Variants in NEK7 observed in about 807,000 individuals in gnomAD.
NEK7 encodes serine/threonine-protein kinase Nek7.
In NEK7, 18 loss-of-function variants were observed where a neutral mutation model predicts 44.6. That is an observed-to-expected ratio of 0.40 (90% CI 0.28 to 0.60). NEK7 has a LOEUF of 0.60. Among genes scored for constraint, NEK7 ranks in the 20% least tolerant of loss-of-function variants. The probability of loss-of-function intolerance (pLI) is 0.38; values close to 1 mark genes in which losing one functional copy is unlikely to be tolerated. For synonymous variants in NEK7, 130 were observed against 121.1 expected, an observed-to-expected ratio of 1.07 and a Z score of -0.48; for missense variants, 256 against 366.5, an observed-to-expected ratio of 0.70 and a Z score of 2.46.
At chr1:198,190,705 A>G (rs930132240) in intron 1 of NEK7, among the ~76,000 whole-genome samples, 1 of 152,042 alleles carries the variant, frequency 6.6e-6, no homozygotes. Context: ...ACAAATTGAG[A>G]AATTTAGTAA....
At chr1:198,203,843 T>G (rs10801648) in intron 1 of NEK7, among the ~76,000 whole-genome samples, 54,259 of 151,984 alleles carry the variant, frequency 0.36, 10,840 homozygotes, top group East Asian at 0.78. Flanking sequence ...CATTTTTTTT[T>G]TGTGTGTGTG....
At chr1:198,244,684 T>C (rs1666779796) in intron 2 of NEK7, among the ~76,000 whole-genome samples, 1 of 152,200 alleles carries the variant, frequency 6.6e-6, no homozygotes, top group African/African-American at 2.4e-5. Flanking sequence ...TACTAGATTC[T>C]ACTTAGAGCT....
chr1:198,297,103 A>G (rs372109327), intron 8 of NEK7, 24 bp from the exon 9 acceptor site: 22 of 1,423,378 alleles, frequency 1.5e-5, no homozygotes, highest in Non-Finnish European at 2.2e-5. Context: ...TAACTATATC[A>G]GTTTCATTGG....
At chr1:198,176,792 G>A (rs16842507) in intron 1 of NEK7, among the ~76,000 whole-genome samples, 27,076 of 151,934 alleles carry the variant, frequency 0.18, 2,691 homozygotes, top group African/African-American at 0.24. Context: ...CCTAGGGACC[G>A]TAGGGGATGA....
rs117130234 is a variant in NEK7, at chr1:198,240,335, G to A, written c.57+7698G>A. ...TTTACATGATTTTTGAAAAGAATGAGAACACAGTAAGAATTCTCTTGCCTG... is the reference window on the plus strand; with the variant it reads ...TTTACATGATTTTTGAAAAGAATGAAAACACAGTAAGAATTCTCTTGCCTG... On this transcript the variant is annotated intron_variant, in intron 2 of 9. Transcript: ENST00000367385. 1.9e-3 allele frequency among the ~76,000 whole-genome samples: 291 copies of A among 152,208 alleles called. 8 individuals carry two copies. In the East Asian group the frequency reaches 0.046, roughly 24 times the overall value.
At chr1:198,308,509 A>C (rs953223658) in intron 9 of NEK7, among the ~76,000 whole-genome samples, 4 of 152,214 alleles carry the variant, frequency 2.6e-5, no homozygotes, top group African/African-American at 9.7e-5. Flanking sequence ...TACCCTGGTG[A>C]ATATTTCTGA....
Position 198,253,233 on chromosome 1 carries a change from T to C in NEK7, c.198+53T>C, listed in dbSNP as rs868866470. 3.5e-5 allele frequency: 43 copies of C among 1,240,862 alleles called. No individual in the cohort carries two copies. In the South Asian group the frequency reaches 4.2e-4, roughly 12 times the overall value. 76.9% of individuals were successfully genotyped at this position (1,240,862 alleles called of 1,614,324 possible). On this transcript the variant is annotated intron_variant, in intron 3 of 9. Coordinates refer to ENST00000367385, the MANE Select transcript of NEK7 (RefSeq NM_133494.3). ...ATGTAAAATTATACTATGTGAATTATAGATGAGAAAAGTATATCCTGAATG... is the reference window on the plus strand; with the variant it reads ...ATGTAAAATTATACTATGTGAATTACAGATGAGAAAAGTATATCCTGAATG...
chr1:198,171,855 C>A (rs1158039044), intron 1 of NEK7, among the ~76,000 whole-genome samples: 1 of 152,128 alleles, frequency 6.6e-6, no homozygotes, highest in Non-Finnish European at 1.5e-5. Context: ...TAAGACTCAC[C>A]TTGAGTGTCT....
chr1:198,277,745 C>A, intron 5 of NEK7: 1 of 446,936 alleles, frequency 2.2e-6, no homozygotes, highest in Non-Finnish European at 4.0e-6. Flanking sequence ...GGTACTGTTA[C>A]ACAGTTTCCG....
intron 1 of NEK7, among the ~76,000 whole-genome samples, chr1:198,208,884 C>T (rs1035370795): frequency 1.3e-5 from 2 of 152,070 alleles, no homozygotes; most frequent in African/African-American, 4.8e-5. Context: ...ATCTCAACTG[C>T]ATTTCCACAG....
chr1:198,203,085 T>TCCTTCCC (rs112692553), intron 1 of NEK7, among the ~76,000 whole-genome samples: 30,185 of 151,922 alleles, frequency 0.2, 3,524 homozygotes, highest in African/African-American at 0.31. Flanking sequence ...TTTATAACCA[T>TCCTTCCC]CCTTCCCCGC....
intron 1 of NEK7, among the ~76,000 whole-genome samples, chr1:198,184,992 T>C (rs1453843909): frequency 6.6e-6 from 1 of 152,064 alleles, no homozygotes; most frequent in Non-Finnish European, 1.5e-5. Flanking sequence ...TTAACCAAAA[T>C]AGAAAGATAG....
intron 1 of NEK7, among the ~76,000 whole-genome samples, chr1:198,202,005 TA>T (rs1665443926): frequency 1.3e-5 from 2 of 152,208 alleles, no homozygotes; most frequent in African/African-American, 4.8e-5. Context: ...AGCACCAAGC[TA>T]AAGTTTCATA....
intron 1 of NEK7, among the ~76,000 whole-genome samples, chr1:198,209,859 C>G (rs973340966): frequency 1.3e-5 from 2 of 152,090 alleles, no homozygotes; most frequent in Non-Finnish European, 2.9e-5. Flanking sequence ...CTCTGTCACC[C>G]AGGTTGGAGT....
intron 1 of NEK7, chr1:198,198,030 T>TG (rs1439541620): frequency 1.3e-6 from 2 of 1,510,872 alleles, no homozygotes; most frequent in Non-Finnish European, 1.8e-6. Flanking sequence ...GGGGCCCACC[T>TG]GGGGGGAAAG....
In NEK7 at chr1:198,157,162, G is replaced by A. The variant is rs2102684548; in HGVS notation, c.-143G>A. 6.6e-6 allele frequency: 1 copy of A among 151,840 alleles called. No homozygotes were observed. The highest frequency in any genetic ancestry group is 1.5e-5 in the Non-Finnish European group (1 of 67,922). The allele number at this position is 151,840 out of a possible 1,614,324, so 9.4% of individuals were successfully genotyped here. A position where few individuals can be genotyped will look rare whatever the true frequency, so the allele number is the denominator to read the frequency against. On this transcript the variant is annotated 5_prime_UTR_variant, in exon 1 of 10. Transcript: ENST00000367385. ...GCGGGAGGTGGCCGACAGGCTCCGGGCCTCGCAGCCTCAGCCCCCGGCCCA... is the reference window on the plus strand; with the variant it reads ...GCGGGAGGTGGCCGACAGGCTCCGGACCTCGCAGCCTCAGCCCCCGGCCCA...
intron 9 of NEK7, among the ~76,000 whole-genome samples, chr1:198,314,410 T>C (rs1026646139): frequency 2.0e-4 from 31 of 152,238 alleles, no homozygotes; most frequent in Non-Finnish European, 1.9e-4. Context: ...AATTTGATCG[T>C]CTGAAGTCTT....
intron 3 of NEK7, among the ~76,000 whole-genome samples, chr1:198,253,531 C>T (rs1489088472): frequency 6.6e-6 from 1 of 151,980 alleles, no homozygotes; most frequent in Admixed American, 6.6e-5. Context: ...TAGTCAGAAA[C>T]TAGAGTCACA....
intron 1 of NEK7, among the ~76,000 whole-genome samples, chr1:198,192,408 G>A (rs991362582): frequency 6.7e-6 from 1 of 150,100 alleles, no homozygotes; most frequent in African/African-American, 2.5e-5. Context: ...TCTGCTGTTT[G>A]CTTTTTAATT....
Sources: allele counts gnomAD v4.1 joint callset (sites outside exome capture counted in the v4.1 genomes callset), GRCh38; gene constraint gnomAD v4.1.1; transcripts MANE v1.5; gene names NCBI Gene and HGNC (gene_info 2026-07-23, HGNC 2026-07-21).